The following KIF15 variants were observed in gnomAD, a reference collection of about 807,000 sequenced individuals.
The protein encoded by KIF15 is kinesin-like protein KIF15.
A neutral mutation model predicts 190.6 loss-of-function variants in KIF15; 140 were observed. The observed-to-expected ratio is 0.73, with a 90% CI of 0.64 to 0.84. KIF15 has a LOEUF of 0.84. KIF15 is among the 40% of genes least tolerant of loss of function. KIF15 has a pLI of 0.00. For synonymous variants in KIF15, 528 were observed against 551.3 expected, an observed-to-expected ratio of 0.96 and a Z score of 0.59; for missense variants, 1,372 against 1,584.4, an observed-to-expected ratio of 0.87 and a Z score of 2.28.
intron 20 of KIF15, 104 bp from the exon 21 acceptor site, chr3:44,825,935 T>G: frequency 9.9e-7 from 1 of 1,005,672 alleles, no homozygotes; most frequent in Non-Finnish European, 1.4e-6. Flanking sequence ...CTTATGTGAG[T>G]TGGGAATGGG....
In KIF15 at chr3:44,852,292, A is replaced by T; in HGVS notation, c.4057A>T (p.Ile1353Phe). ...LVGHQNLHQK[I>F]QYVVRLKKEN... ...AGGTCACCAAAATTTGCATCAGAAG[A>T]TTCAGTACGTAGTGCGACTAAAGAA... The change falls in exon 34 of 35, where the codon ATT becomes TTT. Residue 1353 changes from isoleucine to phenylalanine, a missense_variant. Physicochemically the swap from Ile to Phe is conservative, Grantham distance 21 (BLOSUM62 0). Transcript: ENST00000326047. 6.2e-7 allele frequency: 1 copy of T among 1,613,670 alleles called. No homozygotes were observed. Among genetic ancestry groups the T allele is most frequent in the Non-Finnish European group, 8.5e-7 (1 of 1,179,696 alleles).
At chr3:44,860,662 G>A (rs1038330407) in intron 6 of KIF15, among the ~76,000 whole-genome samples, 30 of 151,660 alleles carry the variant, frequency 2.0e-4, no homozygotes, top group Admixed American at 7.9e-4. Flanking sequence ...GTGAGCCACC[G>A]TGCCTGGCCT....
rs757687365 is a variant in KIF15 at position 44,780,067 on chromosome 3, CTT to C, written c.324-797_324-796del. On this transcript the variant is annotated intron_variant, in intron 4 of 34. Transcript: ENST00000326047. ...CTTGATTAACATCTTTAAAATACAA[CTT>C]TTTTTTTTTTTTTTTTTTTTAAAAG... Among the ~76,000 whole-genome samples, 696 of 123,106 alleles carry C rather than the reference CTT, an allele frequency of 5.7e-3. 5 individuals carry two copies. The highest frequency in any genetic ancestry group is 0.023 in the Admixed American group (267 of 11,544). 80.8% of individuals were successfully genotyped at this position (123,106 alleles called of 152,430 possible). A position where few individuals can be genotyped will look rare whatever the true frequency, so the allele number is the denominator to read the frequency against.
At chr3:44,806,105 A>C in intron 16 of KIF15, 119 bp downstream of exon 16, 2 of 1,098,912 alleles carry the variant, frequency 1.8e-6, no homozygotes, top group Non-Finnish European at 2.6e-6. Context: ...GGTAATTAAC[A>C]CCGGTGTCAC....
intron 6 of KIF15, among the ~76,000 whole-genome samples, chr3:44,858,948 G>C (rs1039089177): frequency 2.6e-5 from 4 of 152,244 alleles, no homozygotes; most frequent in Admixed American, 6.5e-5. Flanking sequence ...GTCTTCAGCT[G>C]CTAAGCTGAG....
intron 26 of KIF15, among the ~76,000 whole-genome samples, chr3:44,834,647 G>T (rs1698220290): frequency 6.6e-6 from 1 of 152,094 alleles, no homozygotes; most frequent in Non-Finnish European, 1.5e-5. Flanking sequence ...CTGGGGCTGG[G>T]CACTGTGGCT....
chr3:44,826,290 T>C, intron 21 of KIF15, 85 bp from the exon 22 acceptor site: 1 of 1,552,810 alleles, frequency 6.4e-7, no homozygotes, highest in Non-Finnish European at 8.8e-7. Flanking sequence ...TTGCCCACAG[T>C]GCCTGCCACA....
chr3:44,795,439 G>A (rs770129815), intron 8 of KIF15, among the ~76,000 whole-genome samples: 3 of 152,254 alleles, frequency 2.0e-5, no homozygotes, highest in Non-Finnish European at 1.5e-5. Flanking sequence ...TCAACTCTGC[G>A]AATACTGGGA....
chr3:44,800,077 G>C (rs1447784243), intron 10 of KIF15, among the ~76,000 whole-genome samples: 3 of 152,248 alleles, frequency 2.0e-5, no homozygotes, highest in Non-Finnish European at 2.9e-5. Context: ...CTAGTCAGCT[G>C]GGGGGCAGAG....
intron 20 of KIF15, among the ~76,000 whole-genome samples, chr3:44,824,101 G>A (rs114660303): frequency 0.019 from 2,905 of 152,262 alleles, 76 homozygotes; most frequent in African/African-American, 0.063. Flanking sequence ...CATCGATCCC[G>A]CTGGGAGCTG....
intron 16 of KIF15, 38 bp downstream of exon 16, chr3:44,806,024 G>T: frequency 6.3e-7 from 1 of 1,592,090 alleles, no homozygotes; most frequent in Non-Finnish European, 8.6e-7. Context: ...TTAAATCAGT[G>T]CAATGTCATT....
intron 22 of KIF15, 92 bp downstream of exon 22, chr3:44,826,552 T>A: frequency 1.2e-6 from 1 of 830,608 alleles, no homozygotes; most frequent in Non-Finnish European, 1.8e-6. Context: ...CAATACCCTG[T>A]AAAGAGTTAT....
At chr3:44,763,595 C>T (rs985914261) in intron 1 of KIF15, among the ~76,000 whole-genome samples, 5 of 151,384 alleles carry the variant, frequency 3.3e-5, no homozygotes, top group Admixed American at 1.3e-4. Flanking sequence ...CCACCACACC[C>T]GGCCCCATGA....
chr3:44,789,747 A>C (rs546212353), intron 7 of KIF15, among the ~76,000 whole-genome samples: 1 of 148,782 alleles, frequency 6.7e-6, no homozygotes, highest in South Asian at 2.1e-4. Flanking sequence ...ACATCCTTAT[A>C]GGTTCTTGGA....
chr3:44,865,264 G>A (rs921708576), intron 6 of KIF15: 13 of 1,564,684 alleles, frequency 8.3e-6, no homozygotes, highest in Admixed American at 1.7e-5. Flanking sequence ...ATCCTAGGGC[G>A]ATCCAGTTGT....
chr3:44,789,214 A>C (rs1228534672), intron 7 of KIF15, among the ~76,000 whole-genome samples: 3 of 152,118 alleles, frequency 2.0e-5, no homozygotes, highest in African/African-American at 7.2e-5. Flanking sequence ...TAATACTATA[A>C]ATTTTTACTT....
intron 6 of KIF15, chr3:44,863,077 ACATG>A (rs1160946318): frequency 6.6e-6 from 1 of 151,998 alleles, no homozygotes; most frequent in African/African-American, 2.4e-5. Flanking sequence ...CAAATTTAAA[ACATG>A]AATTTTTTTG....
chr3:44,851,952 G>C lies in KIF15; in HGVS notation c.3972G>C (p.Gln1324His). Reference protein sequence around the residue: ...EMYEERERTSQEMEMLRKQVE... With the variant: ...EMYEERERTSHEMEMLRKQVE... ...ATGAAGAAAGAGAGAGAACATCCCA[G>C]GTGTGCTAGTGTGTTGGTGTTTTCA... Residue 1324 changes from glutamine (Q) to histidine (H), a missense_variant and splice_region_variant, in exon 33 of 35, where the codon CAG (glutamine) becomes CAC (histidine). By Grantham distance (24) the Gln-to-His change is conservative. Transcript: ENST00000326047. The C allele has an allele frequency of 6.2e-7, 1 of 1,612,178 alleles. No homozygotes were observed. The highest frequency in any genetic ancestry group is 8.5e-7 in the Non-Finnish European group (1 of 1,179,170).
chr3:44,765,020 AT>A (rs1705320225), intron 1 of KIF15, among the ~76,000 whole-genome samples: 1 of 152,194 alleles, frequency 6.6e-6, no homozygotes, highest in East Asian at 1.9e-4. Flanking sequence ...AAGAGGTAGC[AT>A]ATTGAGGTGG....
Sources: gnomAD v4.1 joint callset for allele counts (sites outside exome capture counted in the v4.1 genomes callset) on GRCh38, gnomAD v4.1.1 for gene constraint, MANE v1.5 for transcripts, NCBI Gene and HGNC (gene_info 2026-07-23, HGNC 2026-07-21) for gene names.